CCNJL: variants seen among roughly 807,000 people sequenced by gnomAD.
The protein encoded by CCNJL is cyclin J like, also known as cyclin-J-like protein.
A neutral mutation model predicts 33.4 loss-of-function variants in CCNJL; 33 were observed. That is an observed-to-expected ratio of 0.99 (90% CI 0.75 to 1.32). The LOEUF is 1.32. Ranked by LOEUF, CCNJL falls within the 40% of genes most tolerant of loss-of-function variation. The probability of loss-of-function intolerance (pLI) is 0.00; values close to 1 mark genes in which losing one functional copy is unlikely to be tolerated. For synonymous variants in CCNJL, 227 were observed against 220.9 expected (o/e 1.03, Z -0.24); for missense variants, 512 against 499.7 (o/e 1.02, Z -0.23).
chr5:160,328,592 T>TAA (rs56803041), intron 1 of CCNJL, among the ~76,000 whole-genome samples: 4 of 133,904 alleles, frequency 3.0e-5, no homozygotes, highest in Admixed American at 7.7e-5. Flanking sequence ...TACTGTCTCT[T>TAA]AAAAAAAAAA....
intron 5 of CCNJL, chr5:160,254,154 CT>C: frequency 2.1e-6 from 1 of 472,976 alleles, no homozygotes; most frequent in Non-Finnish European, 3.7e-6. Context: ...ATGGCGCCTG[CT>C]TGTGCTCACC....
chr5:160,267,231 G>C (rs1411206685), intron 3 of CCNJL, among the ~76,000 whole-genome samples: 3 of 152,190 alleles, frequency 2.0e-5, no homozygotes, highest in Non-Finnish European at 4.4e-5. Context: ...GGGTGGGCTA[G>C]GGGGTCTGTG....
intron 1 of CCNJL, among the ~76,000 whole-genome samples, chr5:160,325,118 C>T (rs576426962): frequency 3.3e-5 from 5 of 152,278 alleles, no homozygotes; most frequent in African/African-American, 1.2e-4. Context: ...TGAGCTTCCT[C>T]CTAGCTCTGG....
chr5:160,297,716 G>C (rs565338243), intron 2 of CCNJL, among the ~76,000 whole-genome samples: 24 of 150,938 alleles, frequency 1.6e-4, no homozygotes, highest in African/African-American at 5.6e-4. Flanking sequence ...AGGGATAATA[G>C]GGCATTATTT....
At position 160,252,003 on chromosome 5, in the gene CCNJL, T is replaced by C. The variant is rs1015572062; in HGVS notation, c.*1375A>G. 1 of 152,288 alleles carries C rather than the reference T, an allele frequency of 6.6e-6. No individual in the cohort carries two copies. Among genetic ancestry groups the C allele is most frequent in the African/African-American group, 2.4e-5 (1 of 41,432 alleles). 9.4% of individuals were successfully genotyped at this position (152,288 alleles called of 1,614,324 possible). A position where few individuals can be genotyped will look rare whatever the true frequency, so the allele number is the denominator to read the frequency against. Reference sequence around the variant, plus strand: ...GCCTTCCTGGCGGCCCCTGCCACAGTCTCCAGGACTGGCAAGGGGCTAAGG... The same window carrying C: ...GCCTTCCTGGCGGCCCCTGCCACAGCCTCCAGGACTGGCAAGGGGCTAAGG... On this transcript the variant is annotated 3_prime_UTR_variant, in exon 6 of 6. Transcript: ENST00000257536.
intron 2 of CCNJL, among the ~76,000 whole-genome samples, chr5:160,299,121 G>A (rs1344809809): frequency 6.6e-6 from 1 of 151,966 alleles, no homozygotes; most frequent in Non-Finnish European, 1.5e-5. Flanking sequence ...TGGGATTACA[G>A]GTGTGTGTCA....
intron 2 of CCNJL, among the ~76,000 whole-genome samples, chr5:160,296,430 C>T (rs1312399731): frequency 1.3e-5 from 2 of 152,220 alleles, no homozygotes; most frequent in African/African-American, 2.4e-5. Flanking sequence ...ATCTTCCACG[C>T]TTTTTGTTCG....
At chr5:160,312,271 G>T (rs1763291303) in intron 1 of CCNJL, 93 bp downstream of exon 1, 2 of 344,272 alleles carry the variant, frequency 5.8e-6, no homozygotes, top group Non-Finnish European at 1.1e-5. Flanking sequence ...GGGCTCTGGC[G>T]GCGGCCACAG....
rs570142522 is a variant in CCNJL at position 160,299,292 on chromosome 5, C to T, written c.66+12566G>A. 3.3e-5 allele frequency among the ~76,000 whole-genome samples: 5 copies of T among 152,176 alleles called. No homozygotes were observed. The South Asian group carries it at 6.2e-4, about 19-fold the overall frequency. On this transcript the variant is annotated intron_variant, in intron 2 of 5. Coordinates refer to ENST00000257536, the MANE Select transcript of CCNJL (RefSeq NM_001308173.3). ...AGCCTCCCGAGTAGGTGGGATTACACGTGCCTGCCAACAGGCCCGGCTAAT... is the reference window on the plus strand; with the variant it reads ...AGCCTCCCGAGTAGGTGGGATTACATGTGCCTGCCAACAGGCCCGGCTAAT...
intron 2 of CCNJL, among the ~76,000 whole-genome samples, chr5:160,295,517 C>A (rs988542990): frequency 4.6e-4 from 70 of 152,160 alleles, no homozygotes; most frequent in African/African-American, 1.6e-3. Context: ...AAAATAGAGT[C>A]TTTACAGATG....
At chr5:160,306,448 A>T (rs1204917121) in intron 2 of CCNJL, among the ~76,000 whole-genome samples, 5 of 152,148 alleles carry the variant, frequency 3.3e-5, no homozygotes, top group Admixed American at 3.3e-4. Context: ...TCTTGGGAGA[A>T]GGTAAACACC....
At chr5:160,298,820 T>C (rs1762830698) in intron 2 of CCNJL, among the ~76,000 whole-genome samples, 2 of 152,118 alleles carry the variant, frequency 1.3e-5, no homozygotes, top group South Asian at 2.1e-4. Context: ...AATGACAGTA[T>C]GAGGAGGTAG....
At chr5:160,337,003 C>CTTTTTTTTTTTTTTTT (rs35461944) in intron 1 of CCNJL, among the ~76,000 whole-genome samples, 8 of 95,062 alleles carry the variant, frequency 8.4e-5, no homozygotes, top group East Asian at 3.3e-4. Context: ...CTTTTTCTTT[C>CTTTTTTTTTTTTTTTT]TTTTTTTTTT....
intron 2 of CCNJL, among the ~76,000 whole-genome samples, chr5:160,309,371 A>T (rs34295651): frequency 0.16 from 24,961 of 152,142 alleles, 2,209 homozygotes; most frequent in Non-Finnish European, 0.19. Flanking sequence ...AGTGATCTCA[A>T]CTTCGCCTCC....
chr5:160,256,872 C>T (rs966339597), intron 4 of CCNJL, among the ~76,000 whole-genome samples: 74 of 150,984 alleles, frequency 4.9e-4, no homozygotes, highest in Non-Finnish European at 1.3e-4. Flanking sequence ...GAGCTGAGAT[C>T]GAGCCATTGC....
chr5:160,324,283 A>G (rs753297242), intron 1 of CCNJL, among the ~76,000 whole-genome samples: 1 of 152,204 alleles, frequency 6.6e-6, no homozygotes, highest in Non-Finnish European at 1.5e-5. Flanking sequence ...TGTTAAATCT[A>G]TCTATCTGGC....
Position 160,252,825 on chromosome 5 carries a change from A to G in CCNJL, c.*553T>C, listed in dbSNP as rs1443608575. 1 of 152,894 alleles carries G rather than the reference A, an allele frequency of 6.5e-6. No homozygotes were observed. The highest frequency in any genetic ancestry group is 6.5e-5 in the Admixed American group (1 of 15,278). The allele number at this position is 152,894 out of a possible 1,614,324, so 9.5% of individuals were successfully genotyped here. On this transcript the variant is annotated 3_prime_UTR_variant, in exon 6 of 6. Coordinates refer to ENST00000257536, the MANE Select transcript of CCNJL (RefSeq NM_001308173.3). ...GCTGAAAATGGTTTTAGGTTCGAAAACAAAGGCAAGACAGCCACCCACTGT... is the reference window on the plus strand; with the variant it reads ...GCTGAAAATGGTTTTAGGTTCGAAAGCAAAGGCAAGACAGCCACCCACTGT...
chr5:160,291,353 CCA>C (rs1452507003), intron 2 of CCNJL, among the ~76,000 whole-genome samples: 1 of 152,144 alleles, frequency 6.6e-6, no homozygotes, highest in Non-Finnish European at 1.5e-5. Context: ...GTTCTGTGGG[CCA>C]CAGTTTGGCG....
intron 4 of CCNJL, 125 bp downstream of exon 4, chr5:160,259,344 C>T: frequency 1.3e-6 from 1 of 771,856 alleles, no homozygotes; most frequent in Non-Finnish European, 2.1e-6. Context: ...TAAGAGTGAT[C>T]TGGGTGCACA....
Sources: gnomAD v4.1 joint callset for allele counts (sites outside exome capture counted in the v4.1 genomes callset) on GRCh38, gnomAD v4.1.1 for gene constraint, MANE v1.5 for transcripts, NCBI Gene and HGNC (gene_info 2026-07-23, HGNC 2026-07-21) for gene names.